Variants in MCCC1 observed in about 807,000 individuals in gnomAD.
The protein encoded by MCCC1 is methylcrotonoyl-CoA carboxylase subunit alpha, mitochondrial.
In MCCC1, 64 loss-of-function variants were observed where a neutral mutation model predicts 83.8. The observed-to-expected ratio is 0.76, with a 90% CI of 0.62 to 0.94. The LOEUF (loss-of-function observed/expected upper bound fraction) is 0.94. MCCC1 is among the 40% of genes least tolerant of loss of function. The pLI is 0.00. For synonymous variants in MCCC1, 322 were observed against 315.4 expected, an observed-to-expected ratio of 1.02 and a Z score of -0.22; for missense variants, 807 against 904.7, an observed-to-expected ratio of 0.89 and a Z score of 1.39.
chr3:183,090,865 G>C, intron 3 of MCCC1: 1 of 399,896 alleles, frequency 2.5e-6, no homozygotes, highest in South Asian at 1.8e-5. Context: ...TGGAATTACA[G>C]GTGTGAGCCA....
At chr3:183,103,020 T>G (rs1246270138), upstream of MCCC1, among the ~76,000 whole-genome samples, 1 of 152,002 alleles carries the variant, frequency 6.6e-6, no homozygotes, top group African/African-American at 2.4e-5. Flanking sequence ...TCTCACTGAC[T>G]TCAAGAATGA....
chr3:183,089,788 T>C (rs1323947296), intron 3 of MCCC1, among the ~76,000 whole-genome samples: 1 of 152,204 alleles, frequency 6.6e-6, no homozygotes, highest in African/African-American at 2.4e-5. Context: ...TCTAGATCTC[T>C]GACATTATTG....
chr3:183,022,715 T>C, intron 15 of MCCC1, 161 bp from the exon 16 acceptor site: 1 of 643,122 alleles, frequency 1.6e-6, no homozygotes, highest in East Asian at 2.9e-5. Context: ...TTTTCCCCTA[T>C]TCCTAACCAA....
At chr3:183,110,678 G>A (rs1359575450) in intron 1 of MCCC1, among the ~76,000 whole-genome samples, 3 of 151,472 alleles carry the variant, frequency 2.0e-5, no homozygotes, top group Non-Finnish European at 2.9e-5. Context: ...ACAGGCGTAA[G>A]CCACCGCACC....
chr3:183,093,528 T>A (rs1185326787), intron 2 of MCCC1, among the ~76,000 whole-genome samples: 1 of 152,176 alleles, frequency 6.6e-6, no homozygotes, highest in Admixed American at 6.5e-5. Context: ...CATGGCACCA[T>A]AATGACAAGC....
chr3:183,099,900 A>C (rs1391721897), upstream of MCCC1, among the ~76,000 whole-genome samples: 1 of 152,104 alleles, frequency 6.6e-6, no homozygotes, highest in Non-Finnish European at 1.5e-5. Context: ...AAATAAGCTA[A>C]AGTGAAAATC....
chr3:183,074,901 T>C (rs1716953570), intron 4 of MCCC1, among the ~76,000 whole-genome samples: 1 of 152,142 alleles, frequency 6.6e-6, no homozygotes, highest in African/African-American at 2.4e-5. Flanking sequence ...CCAGTGTCTT[T>C]TGTTTCCTTC....
intron 1 of MCCC1, among the ~76,000 whole-genome samples, chr3:183,114,104 G>T (rs1220061761): frequency 6.6e-6 from 1 of 152,110 alleles, no homozygotes; most frequent in Admixed American, 6.5e-5. Context: ...TGCAATTAAC[G>T]GATAAGATAC....
Position 183,083,072 on chromosome 3 carries a change from T to C in MCCC1, c.369+3621A>G, listed in dbSNP as rs564625628. 7.4e-4 allele frequency among the ~76,000 whole-genome samples: 113 copies of C among 152,298 alleles called. 1 individual carries two copies. Among genetic ancestry groups the C allele is most frequent in the South Asian group, 4.4e-3 (21 of 4,824 alleles). On this transcript the variant is annotated intron_variant, in intron 4 of 18. Transcript: ENST00000265594. ...CATATCACCAGACATCACCAGAAAT[T>C]TAGCTCACTTGTAAATTTTACTTTA...
intron 17 of MCCC1, 180 bp from the exon 18 acceptor site, chr3:183,017,517 G>T: frequency 1.6e-6 from 1 of 629,436 alleles, no homozygotes; most frequent in Non-Finnish European, 2.8e-6. Flanking sequence ...GGTCCTTTGT[G>T]GTCCACAGAT....
At chr3:183,022,899 G>A (rs1383388786) in intron 15 of MCCC1, among the ~76,000 whole-genome samples, 2 of 152,072 alleles carry the variant, frequency 1.3e-5, no homozygotes, top group African/African-American at 2.4e-5. Flanking sequence ...AAATTCATTT[G>A]CATATATTAC....
At chr3:183,058,847 G>T (rs551450451) in intron 7 of MCCC1, among the ~76,000 whole-genome samples, 1 of 152,096 alleles carries the variant, frequency 6.6e-6, no homozygotes, top group East Asian at 1.9e-4. Flanking sequence ...CCATAATACA[G>T]AAGTGATCAG....
chr3:183,032,947 T>C (rs77347111), intron 14 of MCCC1, among the ~76,000 whole-genome samples: 3,307 of 152,188 alleles, frequency 0.022, 121 homozygotes, highest in African/African-American at 0.076. Flanking sequence ...TTTTCCTCTG[T>C]CCAAGGAAGA....
At chr3:183,052,534 T>C (rs940779606) in intron 8 of MCCC1, among the ~76,000 whole-genome samples, 1 of 152,114 alleles carries the variant, frequency 6.6e-6, no homozygotes, top group African/African-American at 2.4e-5. Context: ...ATCAGCCAGG[T>C]GCGGTGGCTC....
At chr3:183,108,227 C>T (rs1179604464) in intron 1 of MCCC1, among the ~76,000 whole-genome samples, 1 of 152,118 alleles carries the variant, frequency 6.6e-6, no homozygotes, top group Non-Finnish European at 1.5e-5. Flanking sequence ...GGGAAATATC[C>T]AAACTGTGGC....
intron 8 of MCCC1, among the ~76,000 whole-genome samples, chr3:183,055,302 T>C (rs1456123071): frequency 5.3e-5 from 8 of 151,708 alleles, no homozygotes; most frequent in Non-Finnish European, 1.0e-4. Flanking sequence ...TCCCAGCTAC[T>C]TGGGAGGCTG....
intron 18 of MCCC1, among the ~76,000 whole-genome samples, chr3:183,016,514 A>C (rs1711636784): frequency 6.6e-6 from 1 of 152,234 alleles, no homozygotes. Context: ...TACAGGCATG[A>C]GCCACTGCGC....
intron 14 of MCCC1, 74 bp downstream of exon 14, chr3:183,033,917 T>C: frequency 8.4e-7 from 1 of 1,184,472 alleles, no homozygotes; most frequent in Non-Finnish European, 1.3e-6. Flanking sequence ...ATGGCCAGGC[T>C]GGAATCCTCT....
At chr3:183,099,976 G>A (rs58441339), upstream of MCCC1, among the ~76,000 whole-genome samples, 3,449 of 152,278 alleles carry the variant, frequency 0.023, 119 homozygotes, top group African/African-American at 0.065. Context: ...AAGTCAAAGA[G>A]CAAACTGAGG....
Sources: allele counts gnomAD v4.1 joint callset (sites outside exome capture counted in the v4.1 genomes callset), GRCh38; gene constraint gnomAD v4.1.1; transcripts MANE v1.5; gene names NCBI Gene and HGNC (gene_info 2026-07-23, HGNC 2026-07-21).